Variants in RCAN2 observed in about 807,000 individuals in gnomAD.
RCAN2 encodes calcipressin-2.
A neutral mutation model predicts 23.6 loss-of-function variants in RCAN2; 9 were observed. The ratio of observed to expected loss-of-function variants is 0.38; its 90% CI spans 0.23 to 0.67. The LOEUF is 0.67. Among genes scored for constraint, RCAN2 ranks in the 30% least tolerant of loss-of-function variants. The pLI is 0.51. For synonymous variants in RCAN2, 109 were observed against 115.7 expected, an observed-to-expected ratio of 0.94 and a Z score of 0.37; for missense variants, 273 against 302.3, an observed-to-expected ratio of 0.90 and a Z score of 0.72.
At chr6:46,290,037 A>G (rs768317611) in intron 2 of RCAN2, among the ~76,000 whole-genome samples, 3 of 152,176 alleles carry the variant, frequency 2.0e-5, no homozygotes, top group Non-Finnish European at 4.4e-5. Context: ...GGGACCAAGT[A>G]TGGAGCATGG....
chr6:46,406,180 C>G (rs1327947523), intron 2 of RCAN2, among the ~76,000 whole-genome samples: 1 of 152,206 alleles, frequency 6.6e-6, no homozygotes, highest in African/African-American at 2.4e-5. Context: ...AGGGAGCTGG[C>G]TCTGGCCTTG....
At chr6:46,407,551 G>A (rs1582177288) in intron 2 of RCAN2, among the ~76,000 whole-genome samples, 1 of 152,194 alleles carries the variant, frequency 6.6e-6, no homozygotes, top group East Asian at 1.9e-4. Context: ...TTGGAAAAAT[G>A]AAAGAGCTCG....
In RCAN2 at chr6:46,248,825, A is replaced by G; in HGVS notation, c.297T>C (p.Arg99=). 6.2e-7 allele frequency: 1 copy of G among 1,613,200 alleles called. No individual in the cohort carries two copies. The highest frequency in any genetic ancestry group is 8.5e-7 in the Non-Finnish European group (1 of 1,179,700). The part of the protein sequence containing the change: ...VTFQLFKSFR[R]VRINFSNPKS... ...TAGGATTGCTGAAGTTTATACGGACACGTCTGAAACTCTTAAATAGCTGGA... is the reference window on the plus strand; with the variant it reads ...TAGGATTGCTGAAGTTTATACGGACGCGTCTGAAACTCTTAAATAGCTGGA... The change falls in exon 3 of 5, where the codon CGT becomes CGC. Residue 99 remains arginine (R), a synonymous_variant. Transcript: ENST00000371374.
intron 2 of RCAN2, among the ~76,000 whole-genome samples, chr6:46,271,641 A>G (rs1160688942): frequency 6.6e-6 from 1 of 152,200 alleles, no homozygotes; most frequent in African/African-American, 2.4e-5. Context: ...TTTGAAGATT[A>G]TCATAAAAAT....
At position 46,222,045 on chromosome 6, in the gene RCAN2, C is replaced by G. The variant is rs191667073; in HGVS notation, c.*1096G>C. 14 of 398,530 alleles carry G rather than the reference C, an allele frequency of 3.5e-5. No individual in the cohort carries two copies. The highest frequency in any genetic ancestry group is 6.2e-5 in the Non-Finnish European group (14 of 225,930). The allele number at this position is 398,530 out of a possible 1,614,324, so 24.7% of individuals were successfully genotyped here. ...TTAGCTTCATCCCAATAATCTACAA[C>G]TGACACTTGCATCTTTATTTAAAAA... On this transcript the variant is annotated 3_prime_UTR_variant, in exon 5 of 5. Coordinates refer to ENST00000371374, the MANE Select transcript of RCAN2 (RefSeq NM_001251974.2).
At chr6:46,263,435 G>A (rs1331483132) in intron 2 of RCAN2, among the ~76,000 whole-genome samples, 1 of 151,140 alleles carries the variant, frequency 6.6e-6, no homozygotes, top group Admixed American at 6.6e-5. Context: ...ATATTTCAGA[G>A]TAATGTGTCA....
At chr6:46,224,517 T>C (rs1765582676) in intron 4 of RCAN2, among the ~76,000 whole-genome samples, 1 of 152,170 alleles carries the variant, frequency 6.6e-6, no homozygotes, top group Admixed American at 6.5e-5. Context: ...TGGCCCCTAA[T>C]CATGACAGCT....
At chr6:46,364,161 C>T (rs775156315) in intron 2 of RCAN2, among the ~76,000 whole-genome samples, 9 of 152,098 alleles carry the variant, frequency 5.9e-5, no homozygotes, top group African/African-American at 1.7e-4. Flanking sequence ...CCAATTCTTC[C>T]GTGCAATATA....
intron 2 of RCAN2, among the ~76,000 whole-genome samples, chr6:46,396,732 G>A (rs1309843263): frequency 6.6e-6 from 1 of 152,114 alleles, no homozygotes; most frequent in Admixed American, 6.6e-5. Flanking sequence ...TCTATCTTTT[G>A]AAGTTTTTTT....
intron 2 of RCAN2, among the ~76,000 whole-genome samples, chr6:46,342,239 A>G (rs1425801496): frequency 6.6e-6 from 1 of 151,928 alleles, no homozygotes; most frequent in Admixed American, 6.5e-5. Flanking sequence ...TAAGTAAGGA[A>G]AAAGAGTATC....
At chr6:46,332,709 T>C (rs1175090393) in intron 2 of RCAN2, among the ~76,000 whole-genome samples, 1 of 152,178 alleles carries the variant, frequency 6.6e-6, no homozygotes, top group Non-Finnish European at 1.5e-5. Flanking sequence ...AGTCTATCAT[T>C]GTTGGACATT....
rs869232910 is a variant in RCAN2 at position 46,292,423 on chromosome 6, G to GTTTTTTTT, written c.226-43528_226-43527insAAAAAAAA. Among the ~76,000 whole-genome samples, 12 of 107,538 alleles carry GTTTTTTTT rather than the reference G, an allele frequency of 1.1e-4. 1 individual carries two copies. Among genetic ancestry groups the GTTTTTTTT allele is most frequent in the African/African-American group, 4.0e-4 (10 of 25,148 alleles). 70.5% of individuals were successfully genotyped at this position (107,538 alleles called of 152,430 possible). On this transcript the variant is annotated intron_variant, in intron 2 of 4. Transcript: ENST00000371374. ...TTGCCATATTCTTGGGAGTTGATTTGTTGTTTTTTTTTTTGTTTTTTTTTT... is the reference window on the plus strand; with the variant it reads ...TTGCCATATTCTTGGGAGTTGATTTGTTTTTTTTTTGTTTTTTTTTTTGTTTTTTTTTT...
chr6:46,341,979 A>G (rs1033022730), intron 2 of RCAN2, among the ~76,000 whole-genome samples: 1 of 151,996 alleles, frequency 6.6e-6, no homozygotes, highest in Non-Finnish European at 1.5e-5. Flanking sequence ...CAGGTTGATT[A>G]TACATATTCA....
chr6:46,398,927 C>T (rs1166424971), intron 2 of RCAN2, among the ~76,000 whole-genome samples: 1 of 148,524 alleles, frequency 6.7e-6, no homozygotes, highest in African/African-American at 2.5e-5. Context: ...TATATATATA[C>T]ATATATATAC....
chr6:46,321,658 C>T lies in RCAN2; in HGVS notation c.226-72762G>A, dbSNP rs148816275. The stretch of plus-strand genomic sequence containing the variant: ...CCACCATTGCAGAGAAGGGGCAGCC[C>T]CAGGTTTGGATGCCCCCTGGCAGAG... On this transcript the variant is annotated intron_variant, in intron 2 of 4. Coordinates refer to ENST00000371374, the MANE Select transcript of RCAN2 (RefSeq NM_001251974.2). 1.2e-3 allele frequency among the ~76,000 whole-genome samples: 188 copies of T among 152,294 alleles called. 1 individual carries two copies. Among genetic ancestry groups the T allele is most frequent in the African/African-American group, 4.4e-3 (181 of 41,556 alleles).
intron 2 of RCAN2, among the ~76,000 whole-genome samples, chr6:46,324,858 T>G (rs963555115): frequency 6.6e-6 from 1 of 152,246 alleles, no homozygotes; most frequent in Non-Finnish European, 1.5e-5. Context: ...AAAGAAAATT[T>G]AGGCAGCTGT....
chr6:46,296,633 G>A (rs933472516), intron 2 of RCAN2, among the ~76,000 whole-genome samples: 104 of 152,172 alleles, frequency 6.8e-4, no homozygotes, highest in African/African-American at 2.4e-3. Context: ...TAGGTAGGGA[G>A]GAATAGCAGC....
At chr6:46,338,032 G>C (rs746422456) in intron 2 of RCAN2, among the ~76,000 whole-genome samples, 1 of 152,136 alleles carries the variant, frequency 6.6e-6, no homozygotes, top group African/African-American at 2.4e-5. Context: ...AGGAGTAGAG[G>C]GATGCTGGGC....
intron 2 of RCAN2, among the ~76,000 whole-genome samples, chr6:46,352,220 T>C (rs1296496047): frequency 6.6e-6 from 1 of 152,148 alleles, no homozygotes; most frequent in South Asian, 2.1e-4. Context: ...ATCCAAAATA[T>C]TGTTGTCTTA....
Sources: allele counts gnomAD v4.1 joint callset (sites outside exome capture counted in the v4.1 genomes callset), GRCh38; gene constraint gnomAD v4.1.1; transcripts MANE v1.5; gene names NCBI Gene and HGNC (gene_info 2026-07-23, HGNC 2026-07-21).